The following LRRC7 variants were observed in gnomAD, a reference collection of about 807,000 sequenced individuals.
The protein encoded by LRRC7 is leucine-rich repeat-containing protein 7.
LRRC7 carries 23 observed loss-of-function variants against 175.7 expected under a neutral mutation model. That is an observed-to-expected ratio of 0.13 (90% CI 0.09 to 0.19). LRRC7 has a LOEUF of 0.19. LRRC7 is among the 10% of genes least tolerant of loss of function. The probability of loss-of-function intolerance (pLI) is 1.00; values close to 1 mark genes in which losing one functional copy is unlikely to be tolerated. For synonymous variants in LRRC7, 685 were observed against 680.9 expected (o/e 1.01, Z -0.09); for missense variants, 1,354 against 1,904.7 (o/e 0.71, Z 5.38).
intron 2 of LRRC7, among the ~76,000 whole-genome samples, chr1:69,757,225 G>T (rs1303446860): frequency 5.3e-5 from 8 of 151,918 alleles, no homozygotes; most frequent in Non-Finnish European, 1.0e-4. Context: ...GATGAGAGAA[G>T]ATTCATAGTT....
intron 21 of LRRC7, 21 bp from the exon 22 acceptor site, chr1:70,043,933 A>G (rs1273859267): frequency 1.9e-6 from 3 of 1,588,580 alleles, no homozygotes; most frequent in South Asian, 1.1e-5. Flanking sequence ...ACCCTGTCAC[A>G]TGATTATTTC....
chr1:70,039,051 G>T lies in LRRC7; in HGVS notation c.3227G>T (p.Gly1076Val). 6.2e-7 allele frequency: 1 copy of T among 1,614,026 alleles called. No individual in the cohort carries two copies. Among genetic ancestry groups the T allele is most frequent in the Non-Finnish European group, 8.5e-7 (1 of 1,179,996 alleles). ...TTTGACCAAAGCTTCAATCCTCAAG[G>T]ATCAGTGGAAGTGAAAGCCGAAAAG... The part of the protein sequence containing the change: ...YQFDQSFNPQ[G>V]SVEVKAEKRI... The change falls in exon 21 of 27, where the codon GGA (glycine) becomes GTA (valine). Residue 1076 changes from glycine to valine, a missense_variant. By Grantham distance (109) the Gly-to-Val change is moderately radical. Transcript: ENST00000651989.
intron 8 of LRRC7, among the ~76,000 whole-genome samples, chr1:69,952,299 T>A (rs576753876): frequency 6.6e-6 from 1 of 152,098 alleles, no homozygotes; most frequent in Non-Finnish European, 1.5e-5. Flanking sequence ...ACATATGATA[T>A]GTTTTTAGTA....
At chr1:69,728,930 C>T (rs957082636) in intron 2 of LRRC7, among the ~76,000 whole-genome samples, 2 of 152,180 alleles carry the variant, frequency 1.3e-5, no homozygotes, top group Admixed American at 1.3e-4. Flanking sequence ...ACTCACAATT[C>T]AGCATGGCTG....
intron 24 of LRRC7, among the ~76,000 whole-genome samples, chr1:70,083,585 C>A (rs1449589433): frequency 6.6e-6 from 1 of 152,076 alleles, no homozygotes; most frequent in South Asian, 2.1e-4. Context: ...GTATCCCCAG[C>A]CTTCGTCTCT....
At chr1:69,972,886 T>C (rs1652390487) in intron 8 of LRRC7, among the ~76,000 whole-genome samples, 1 of 147,764 alleles carries the variant, frequency 6.8e-6, no homozygotes, top group South Asian at 2.1e-4. Flanking sequence ...CATCAATGAG[T>C]GGATAGGGAA....
At chr1:69,881,328 T>C (rs1570473939) in intron 7 of LRRC7, among the ~76,000 whole-genome samples, 5 of 152,202 alleles carry the variant, frequency 3.3e-5, no homozygotes, top group Admixed American at 3.3e-4. Flanking sequence ...CCTGTATCTA[T>C]AAAAATATGA....
intron 1 of LRRC7, among the ~76,000 whole-genome samples, chr1:69,586,016 T>C (rs1646389966): frequency 1.3e-5 from 2 of 152,188 alleles, no homozygotes; most frequent in African/African-American, 4.8e-5. Context: ...TGTAAATCTG[T>C]AAAGAATTGA....
chr1:69,873,432 CT>C (rs767685788), intron 7 of LRRC7: 1 of 533,200 alleles, frequency 1.9e-6, no homozygotes, highest in South Asian at 1.4e-5. Flanking sequence ...GGAGTTCCAT[CT>C]TTTGGGCATT....
intron 2 of LRRC7, among the ~76,000 whole-genome samples, chr1:69,699,110 G>C (rs1166248020): frequency 6.6e-6 from 1 of 152,138 alleles, no homozygotes; most frequent in Non-Finnish European, 1.5e-5. Flanking sequence ...GTGGAAGACA[G>C]TGTGGCGATG....
At chr1:69,717,928 AAAAGAAAGAAAGAAAG>A (rs201977986) in intron 2 of LRRC7, among the ~76,000 whole-genome samples, 1 of 55,982 alleles carries the variant, frequency 1.8e-5, no homozygotes. Flanking sequence ...AGAAAAAAAG[AAAAGAAAGAAAGAAAG>A]AAAGAAAGAA....
At chr1:69,957,272 A>ACCC (rs1650594179) in intron 8 of LRRC7, among the ~76,000 whole-genome samples, 1 of 151,896 alleles carries the variant, frequency 6.6e-6, no homozygotes, top group Non-Finnish European at 1.5e-5. Context: ...CCTCTAATGA[A>ACCC]GTATTTTTCT....
At chr1:69,677,525 T>A (rs1280609872) in intron 1 of LRRC7, among the ~76,000 whole-genome samples, 4 of 152,116 alleles carry the variant, frequency 2.6e-5, no homozygotes, top group Middle Eastern at 6.8e-3. Flanking sequence ...CTAGTTTACA[T>A]TCCCAACAGC....
intron 8 of LRRC7, among the ~76,000 whole-genome samples, chr1:69,956,892 C>T (rs934234084): frequency 6.6e-6 from 1 of 151,580 alleles, no homozygotes; most frequent in African/African-American, 2.4e-5. Context: ...ATGTATAACA[C>T]ACGAGATTTT....
chr1:69,719,056 G>A (rs541372749), intron 2 of LRRC7, among the ~76,000 whole-genome samples: 10 of 151,738 alleles, frequency 6.6e-5, no homozygotes, highest in South Asian at 6.2e-4. Context: ...CTTATTCTCA[G>A]AATATCATTC....
intron 1 of LRRC7, 70 bp from the exon 2 acceptor site, chr1:69,678,311 G>C: frequency 9.0e-7 from 1 of 1,109,806 alleles, no homozygotes; most frequent in Non-Finnish European, 1.3e-6. Flanking sequence ...TTGAATTTTA[G>C]ACCATTTAAC....
intron 1 of LRRC7, among the ~76,000 whole-genome samples, chr1:69,613,517 C>T (rs964508362): frequency 6.6e-6 from 1 of 151,870 alleles, no homozygotes; most frequent in Admixed American, 6.6e-5. Context: ...CAAATGATAC[C>T]GCTGAATGCT....
intron 2 of LRRC7, among the ~76,000 whole-genome samples, chr1:69,683,794 A>G (rs1177259219): frequency 2.0e-5 from 3 of 152,150 alleles, no homozygotes; most frequent in Non-Finnish European, 4.4e-5. Context: ...AGGGAATTAT[A>G]AAAAACTAAA....
intron 7 of LRRC7, among the ~76,000 whole-genome samples, chr1:69,865,527 A>G (rs958072252): frequency 8.9e-6 from 1 of 112,852 alleles, no homozygotes; most frequent in Non-Finnish European, 1.7e-5. Flanking sequence ...CCCAGGCTGG[A>G]TGGAGTGCAG....
Sources: allele counts gnomAD v4.1 joint callset (sites outside exome capture counted in the v4.1 genomes callset), GRCh38; gene constraint gnomAD v4.1.1; transcripts MANE v1.5; gene names NCBI Gene and HGNC (gene_info 2026-07-23, HGNC 2026-07-21).